Variants in RASA3 observed in about 807,000 individuals in gnomAD.
RASA3 encodes the protein ras GTPase-activating protein 3.
In RASA3, 73 loss-of-function variants were observed where a neutral mutation model predicts 110.0. The observed-to-expected ratio is 0.66, with a 90% confidence interval of 0.55 to 0.81. The LOEUF (loss-of-function observed/expected upper bound fraction) is 0.81, where lower values mean the gene tolerates loss of function less well. Among genes scored for constraint, RASA3 ranks in the 30% least tolerant of loss-of-function variants. The probability of loss-of-function intolerance (pLI) is 0.00; values close to 1 mark genes in which losing one functional copy is unlikely to be tolerated. For synonymous variants in RASA3, 500 were observed against 451.4 expected (o/e 1.11, Z -1.37); for missense variants, 976 against 1,113.2 (o/e 0.88, Z 1.75).
intron 1 of RASA3, among the ~76,000 whole-genome samples, chr13:114,082,446 G>C (rs2079799060): frequency 6.6e-6 from 1 of 152,256 alleles, no homozygotes; most frequent in African/African-American, 2.4e-5. Flanking sequence ...CTCGGAGAGA[G>C]ATGCTTTCTT....
At chr13:114,071,286 A>T (rs2079569242) in intron 2 of RASA3, among the ~76,000 whole-genome samples, 1 of 152,182 alleles carries the variant, frequency 6.6e-6, no homozygotes, top group Admixed American at 6.5e-5. Context: ...CCCGGCCAGA[A>T]CCATGATTTC....
chr13:114,082,455 T>C (rs1181617533), intron 1 of RASA3, among the ~76,000 whole-genome samples: 2 of 152,250 alleles, frequency 1.3e-5, no homozygotes, highest in Non-Finnish European at 2.9e-5. Flanking sequence ...AGATGCTTTC[T>C]TCCTGATCAC....
intron 3 of RASA3, among the ~76,000 whole-genome samples, chr13:114,050,082 G>A (rs1374811018): frequency 6.6e-6 from 1 of 152,344 alleles, no homozygotes; most frequent in Admixed American, 6.5e-5. Flanking sequence ...CCCTGGAGCC[G>A]ATGCCCTGGT....
chr13:114,004,819 A>G (rs1228491192), intron 18 of RASA3, among the ~76,000 whole-genome samples: 1 of 152,234 alleles, frequency 6.6e-6, no homozygotes, highest in Admixed American at 6.5e-5. Flanking sequence ...AGACACCTGC[A>G]TGCGTACGTT....
At position 113,992,066 on chromosome 13, in the gene RASA3, TCA is replaced by T. The variant is rs534931292; in HGVS notation, c.2245+417_2245+418del. Among the ~76,000 whole-genome samples the T allele has an allele frequency of 3.9e-3, 588 of 152,016 alleles. 6 individuals are homozygous for T. The highest frequency in any genetic ancestry group is 0.014 in the African/African-American group (564 of 41,438). On this transcript the variant is annotated intron_variant, in intron 22 of 23. Transcript: ENST00000334062. ...GTCATGTCCACACATTCACACACGC[TCA>T]CACATGTCCACATTCACACGCTCAC...
chr13:114,018,177 G>A lies in RASA3; in HGVS notation c.1018C>T (p.Arg340Trp), dbSNP rs779382088. ...ACCCTGCCATAGTGTAGGAAGAGCC[G>A]CACCAGCGGGACGGCCGCCTCCTGC... ...EKQEAAVPLV[R>W]LFLHYGRVVP... is the part of the protein sequence containing the mutation. The change falls in exon 11 of 24, where the codon CGG (arginine) becomes TGG (tryptophan). Residue 340 changes from arginine (R) to tryptophan (W), a missense_variant. Coordinates refer to ENST00000334062, the MANE Select transcript of RASA3 (RefSeq NM_007368.4). 15 of 1,551,648 alleles carry A rather than the reference G, an allele frequency of 9.7e-6. No individual in the cohort carries two copies. Among genetic ancestry groups the A allele is most frequent in the East Asian group, 2.4e-5 (1 of 40,974 alleles).
At chr13:114,021,070 TC>T (rs2139327509) in intron 9 of RASA3, among the ~76,000 whole-genome samples, 1 of 151,722 alleles carries the variant, frequency 6.6e-6, no homozygotes, top group South Asian at 2.1e-4. Flanking sequence ...CGGCTCAGGG[TC>T]CCACTTTCAC....
At chr13:114,044,662 C>T (rs561582137) in intron 3 of RASA3, among the ~76,000 whole-genome samples, 2 of 147,982 alleles carry the variant, frequency 1.4e-5, no homozygotes, top group South Asian at 2.2e-4. Flanking sequence ...CCCCACAACA[C>T]GAACCTCAGT....
rs2080257856 is a variant in RASA3, at chr13:114,114,875, G to C, written c.55+17560C>G. Among the ~76,000 whole-genome samples the C allele has an allele frequency of 6.6e-6, 1 of 152,350 alleles. No individual in the cohort carries two copies. Among genetic ancestry groups the C allele is most frequent in the South Asian group, 2.1e-4 (1 of 4,824 alleles). Reference sequence around the variant, plus strand: ...TAGCTCCCAGCTCCAGGGACGACGCGGGGGTGCTAAGCTGGTAAGCTGGGA... The same window carrying C: ...TAGCTCCCAGCTCCAGGGACGACGCCGGGGTGCTAAGCTGGTAAGCTGGGA... On this transcript the variant is annotated intron_variant, in intron 1 of 23. Transcript: ENST00000334062. The surrounding 1 kb of genome is among the most constrained non-coding windows in gnomAD (Gnocchi z 4.8).
chr13:114,107,072 G>A (rs1370842317), intron 1 of RASA3, among the ~76,000 whole-genome samples: 2 of 152,206 alleles, frequency 1.3e-5, no homozygotes, highest in East Asian at 1.9e-4. Context: ...GCCACATCTG[G>A]ATCAGATGTG....
intron 1 of RASA3, among the ~76,000 whole-genome samples, chr13:114,122,573 G>A (rs866132134): frequency 1.1e-4 from 17 of 152,212 alleles, no homozygotes; most frequent in Non-Finnish European, 1.3e-4. Flanking sequence ...GCCTTCCCCC[G>A]CTGGGTGGGC....
chr13:113,994,562 C>T (rs2053191060), intron 21 of RASA3, among the ~76,000 whole-genome samples: 1 of 73,504 alleles, frequency 1.4e-5, no homozygotes. Flanking sequence ...TCTGGGAGGC[C>T]GAGGCAAGAA....
chr13:114,080,674 AGG>A (rs2079769989), intron 1 of RASA3, among the ~76,000 whole-genome samples: 1 of 128,672 alleles, frequency 7.8e-6, no homozygotes, highest in Non-Finnish European at 1.5e-5. Context: ...CGGCTGAAAC[AGG>A]GGTCTCCCCC....
At chr13:114,100,860 A>T (rs1485953726) in intron 1 of RASA3, among the ~76,000 whole-genome samples, 4 of 152,212 alleles carry the variant, frequency 2.6e-5, no homozygotes, top group African/African-American at 9.6e-5. Context: ...GCTGCTAGTG[A>T]CTGACAGGTG....
rs959731435 is a variant in RASA3 at position 113,981,549 on chromosome 13, C to T, written c.2429+126G>A. ...AGGTGCCAGCCCGGTGCAAGTGGGACTCTCCTCCCAGGCGGACACCTGAGC... is the reference window on the plus strand; with the variant it reads ...AGGTGCCAGCCCGGTGCAAGTGGGATTCTCCTCCCAGGCGGACACCTGAGC... On this transcript the variant is annotated intron_variant, in intron 23 of 23. Coordinates refer to ENST00000334062, the MANE Select transcript of RASA3 (RefSeq NM_007368.4). 5 of 1,074,294 alleles carry T rather than the reference C, an allele frequency of 4.7e-6. No homozygotes were observed. The African/African-American group carries it at 6.3e-5, about 13-fold the overall frequency. 66.5% of individuals were successfully genotyped at this position (1,074,294 alleles called of 1,614,324 possible).
intron 1 of RASA3, among the ~76,000 whole-genome samples, chr13:114,127,164 C>T (rs1354332532): frequency 6.6e-6 from 1 of 152,250 alleles, no homozygotes; most frequent in South Asian, 2.1e-4. Context: ...TCTGCGCCTG[C>T]GCGGTTCACA....
chr13:114,042,222 C>T (rs973361600), intron 3 of RASA3, among the ~76,000 whole-genome samples: 4 of 152,180 alleles, frequency 2.6e-5, no homozygotes, highest in Non-Finnish European at 5.9e-5. Flanking sequence ...CGCTGGGCAC[C>T]GAGCCATCTC....
Position 114,011,217 on chromosome 13 carries a change from A to G in RASA3, c.1544T>C (p.Ile515Thr). 3 of 1,612,934 alleles carry G rather than the reference A, an allele frequency of 1.9e-6. No individual in the cohort carries two copies. In the East Asian group the frequency reaches 6.7e-5, roughly 36 times the overall value. Reference protein sequence around the residue: ...DPQTSRTLTLISKTVQTLGSL... With the variant: ...DPQTSRTLTLTSKTVQTLGSL... Reference sequence around the variant, plus strand: ...GCCGAGGGTCTGAACGGTCTTGGAGATCAATGTCAGCGTCCTGGACGTCTG... The same window carrying G: ...GCCGAGGGTCTGAACGGTCTTGGAGGTCAATGTCAGCGTCCTGGACGTCTG... Residue 515 changes from isoleucine to threonine, a missense_variant, in exon 16 of 24, where the codon ATC (isoleucine) becomes ACC (threonine). Physicochemically the swap from Ile to Thr is moderately conservative, Grantham distance 89. Coordinates refer to ENST00000334062, the MANE Select transcript of RASA3 (RefSeq NM_007368.4). This position sits in a 1 kb window ranked among gnomAD's most constrained non-coding sequence, Gnocchi z 4.8.
At chr13:114,075,676 A>G (rs11842032) in intron 1 of RASA3, among the ~76,000 whole-genome samples, 88 of 25,680 alleles carry the variant, frequency 3.4e-3, no homozygotes, top group Admixed American at 5.7e-3. Context: ...CCGTGTCCGC[A>G]CCGCGTATCT....
Sources: allele counts gnomAD v4.1 joint callset (sites outside exome capture counted in the v4.1 genomes callset), GRCh38; gene constraint gnomAD v4.1.1; non-coding constraint Gnocchi (gnomAD v3.1); transcripts MANE v1.5; gene names NCBI Gene and HGNC (gene_info 2026-07-23, HGNC 2026-07-21).